The following FGF14 variants were observed in gnomAD, a reference collection of about 807,000 sequenced individuals.
The protein encoded by FGF14 is fibroblast growth factor homologous factor 4.
Under a neutral mutation model 25.5 loss-of-function variants are expected in FGF14, and 5 were observed. The ratio of observed to expected loss-of-function variants is 0.20; its 90% confidence interval spans 0.10 to 0.41. The LOEUF (loss-of-function observed/expected upper bound fraction) is 0.41, where lower values mean the gene tolerates loss of function less well. Ranked by LOEUF, FGF14 falls within the 10% of genes least tolerant of loss-of-function variation. FGF14 has a pLI of 1.00. For synonymous variants in FGF14, 138 were observed against 118.3 expected (o/e 1.17, Z -1.08); for missense variants, 222 against 320.1 (o/e 0.69, Z 2.34).
At chr13:101,836,462 A>G (rs1417940656) in intron 3 of FGF14, among the ~76,000 whole-genome samples, 2 of 152,104 alleles carry the variant, frequency 1.3e-5, no homozygotes, top group African/African-American at 4.8e-5. Context: ...AACAAGCACA[A>G]AAAGTGAGGA....
intron 1 of FGF14, among the ~76,000 whole-genome samples, chr13:101,909,012 G>T (rs888298816): frequency 4.1e-4 from 62 of 152,158 alleles, no homozygotes; most frequent in African/African-American, 1.4e-3. Flanking sequence ...GTTTAATAAA[G>T]GGTGCTGGGA....
intron 3 of FGF14, among the ~76,000 whole-genome samples, chr13:101,781,148 C>G (rs1041884530): frequency 8.6e-5 from 13 of 151,944 alleles, no homozygotes; most frequent in African/African-American, 2.9e-4. Context: ...CTCTCTCTCT[C>G]TCTCACTCAC....
chr13:102,110,979 G>T (rs1465184473), intron 1 of FGF14, among the ~76,000 whole-genome samples: 1 of 152,120 alleles, frequency 6.6e-6, no homozygotes, highest in Non-Finnish European at 1.5e-5. Flanking sequence ...GACAGAGGCG[G>T]CCTTGAAGAA....
chr13:101,839,757 C>T (rs149625977), intron 3 of FGF14, among the ~76,000 whole-genome samples: 66 of 152,030 alleles, frequency 4.3e-4, no homozygotes, highest in Admixed American at 1.9e-3. Flanking sequence ...CATAGGTTAA[C>T]GGTACATCAT....
chr13:102,365,187 C>T lies in FGF14; in HGVS notation c.208+36284G>A, dbSNP rs78373905. Among the ~76,000 whole-genome samples the T allele has an allele frequency of 4.4e-3, 673 of 152,226 alleles. 9 individuals are homozygous for T. The highest frequency in any genetic ancestry group is 0.015 in the African/African-American group (628 of 41,548). Reference sequence around the variant, plus strand: ...AAAGTTCTTAAGCTCTATCGAGTCACAGCCCCTTTGAGAATCTCAAAGTCT... The same window carrying T: ...AAAGTTCTTAAGCTCTATCGAGTCATAGCCCCTTTGAGAATCTCAAAGTCT... On this transcript the variant is annotated intron_variant, in intron 1 of 4. Transcript: ENST00000376131.
intron 3 of FGF14, among the ~76,000 whole-genome samples, chr13:101,731,452 C>T (rs2035807521): frequency 6.6e-6 from 1 of 152,102 alleles, no homozygotes; most frequent in African/African-American, 2.4e-5. Flanking sequence ...ACTAAATCAT[C>T]AAGTCATAGG....
At chr13:101,732,485 G>T (rs1395125790) in intron 3 of FGF14, among the ~76,000 whole-genome samples, 2 of 152,088 alleles carry the variant, frequency 1.3e-5, no homozygotes, top group African/African-American at 4.8e-5. Flanking sequence ...ATTTTCCAGA[G>T]TCATCCACGA....
intron 1 of FGF14, among the ~76,000 whole-genome samples, chr13:102,113,900 C>T (rs2140332295): frequency 6.6e-6 from 1 of 152,252 alleles, no homozygotes; most frequent in East Asian, 1.9e-4. Context: ...CTCCAAGAAA[C>T]AGAAATTCAA....
intron 3 of FGF14, among the ~76,000 whole-genome samples, chr13:101,733,621 G>GGA (rs1419862883): frequency 2.8e-5 from 2 of 71,888 alleles, no homozygotes; most frequent in South Asian, 5.6e-4. Flanking sequence ...AAGAGAGAGA[G>GGA]GAGAGAGAGA....
At chr13:102,304,783 T>C (rs1359530212) in intron 1 of FGF14, among the ~76,000 whole-genome samples, 1 of 152,154 alleles carries the variant, frequency 6.6e-6, no homozygotes, top group Non-Finnish European at 1.5e-5. Context: ...CAACTTGCTA[T>C]CCAAATGCTG....
At chr13:101,903,541 C>CT (rs570272743) in intron 1 of FGF14, among the ~76,000 whole-genome samples, 4,509 of 151,046 alleles carry the variant, frequency 0.03, 237 homozygotes, top group African/African-American at 0.1. Context: ...CTTGGGTAGG[C>CT]TTTTTTTTTC....
chr13:102,276,733 C>T (rs1412354733), intron 1 of FGF14, among the ~76,000 whole-genome samples: 1 of 152,048 alleles, frequency 6.6e-6, no homozygotes, highest in Non-Finnish European at 1.5e-5. Flanking sequence ...ATTTAAGCAA[C>T]ATCTTATGTA....
chr13:102,129,623 G>A (rs1427178948), intron 1 of FGF14, among the ~76,000 whole-genome samples: 1 of 151,510 alleles, frequency 6.6e-6, no homozygotes, highest in Non-Finnish European at 1.5e-5. Context: ...CCAAGCACAA[G>A]TTTCAAAAAA....
At chr13:101,821,510 T>C (rs921423652) in intron 3 of FGF14, among the ~76,000 whole-genome samples, 1 of 152,240 alleles carries the variant, frequency 6.6e-6, no homozygotes, top group Non-Finnish European at 1.5e-5. Context: ...AGATTATTTG[T>C]ACATGAACTT....
chr13:101,753,688 G>A (rs1158823856), intron 3 of FGF14, among the ~76,000 whole-genome samples: 2 of 151,696 alleles, frequency 1.3e-5, no homozygotes, highest in Non-Finnish European at 2.9e-5. Context: ...CTGTAATCCC[G>A]GCTACTGCAG....
intron 1 of FGF14, among the ~76,000 whole-genome samples, chr13:102,324,603 G>C (rs2056361438): frequency 6.6e-6 from 1 of 152,160 alleles, no homozygotes. Context: ...CTAGAACAGA[G>C]CAGGCCCTCA....
intron 3 of FGF14, among the ~76,000 whole-genome samples, chr13:101,812,642 TATATATA>T (rs1201738431): frequency 0.011 from 143 of 13,392 alleles, 1 homozygote; most frequent in Non-Finnish European, 0.015. Flanking sequence ...TATATATATA[TATATATA>T]TATATTTTTT....
At chr13:102,346,066 C>T (rs941506476) in intron 1 of FGF14, among the ~76,000 whole-genome samples, 2 of 152,096 alleles carry the variant, frequency 1.3e-5, no homozygotes, top group African/African-American at 4.8e-5. Context: ...TGTGTAGTAA[C>T]ACACAGATTC....
intron 1 of FGF14, among the ~76,000 whole-genome samples, chr13:101,954,702 G>A (rs1002632981): frequency 1.1e-4 from 16 of 140,484 alleles, no homozygotes; most frequent in African/African-American, 4.8e-4. Flanking sequence ...CACTGAAAGT[G>A]TGTGTGTGTG....
Sources: allele counts gnomAD v4.1 joint callset (sites outside exome capture counted in the v4.1 genomes callset), GRCh38; gene constraint gnomAD v4.1.1; transcripts MANE v1.5; gene names NCBI Gene and HGNC (gene_info 2026-07-23, HGNC 2026-07-21).